SDK2: variants seen among roughly 807,000 people sequenced by gnomAD.
SDK2 encodes sidekick cell adhesion molecule 2, also known as protein sidekick-2.
A neutral mutation model predicts 253.9 loss-of-function variants in SDK2; 105 were observed. That is an observed-to-expected ratio of 0.41 (90% CI 0.35 to 0.49). The LOEUF (loss-of-function observed/expected upper bound fraction) is 0.49, where lower values mean the gene tolerates loss of function less well. Ranked by LOEUF, SDK2 falls within the 20% of genes least tolerant of loss-of-function variation. The probability of loss-of-function intolerance (pLI) is 0.06; values close to 1 mark genes in which losing one functional copy is unlikely to be tolerated. For synonymous variants in SDK2, 1,249 were observed against 1,234.9 expected, an observed-to-expected ratio of 1.01 and a Z score of -0.24; for missense variants, 2,608 against 3,003.0, an observed-to-expected ratio of 0.87 and a Z score of 3.07.
At chr17:73,514,820 T>C (rs1479259615) in intron 1 of SDK2, among the ~76,000 whole-genome samples, 1 of 152,104 alleles carries the variant, frequency 6.6e-6, no homozygotes, top group Non-Finnish European at 1.5e-5. Flanking sequence ...TCTCCCACCA[T>C]CTCCTAGTCT....
intron 1 of SDK2, among the ~76,000 whole-genome samples, chr17:73,594,831 GCACA>G (rs2045731954): frequency 6.6e-6 from 1 of 151,248 alleles, no homozygotes; most frequent in Admixed American, 6.6e-5. Flanking sequence ...ACATACAAAT[GCACA>G]CATAGCACAC....
chr17:73,361,775 C>A lies in SDK2; in HGVS notation c.5376G>T (p.Ala1792=). 6.2e-7 allele frequency: 1 copy of A among 1,612,602 alleles called. No individual in the cohort carries two copies. The highest frequency in any genetic ancestry group is 8.5e-7 in the Non-Finnish European group (1 of 1,179,242). ...SPLWLKVKDL[A]EGVTYRFRIR... ...TGCGGAACCTGTAGGTCACCCCCTC[C>A]GCCAGGTCCTTCACCTTCAGCCACA... The change falls in exon 39 of 45, where the codon GCG becomes GCT. Residue 1792 remains alanine (A), a synonymous_variant. Coordinates refer to ENST00000392650, the MANE Select transcript of SDK2 (RefSeq NM_001144952.2). The surrounding 1 kb of genome is among the most constrained non-coding windows in gnomAD (Gnocchi z 4.1).
chr17:73,598,810 C>G (rs2045796474), intron 1 of SDK2, among the ~76,000 whole-genome samples: 1 of 152,146 alleles, frequency 6.6e-6, no homozygotes. Context: ...GTGGTCTGGC[C>G]AGGGCCTGGC....
intron 1 of SDK2, among the ~76,000 whole-genome samples, chr17:73,514,862 C>T (rs2064011718): frequency 1.3e-5 from 2 of 152,144 alleles, no homozygotes; most frequent in African/African-American, 2.4e-5. Flanking sequence ...GACTGATTAC[C>T]ACGGCCTCTT....
chr17:73,437,907 C>A, intron 7 of SDK2, 57 bp downstream of exon 7: 2 of 1,593,696 alleles, frequency 1.3e-6, no homozygotes, highest in Non-Finnish European at 1.7e-6. Flanking sequence ...TAAGGAGGAC[C>A]CTCGCCGTGC....
At chr17:73,362,974 T>G (rs1281179761) in intron 38 of SDK2, among the ~76,000 whole-genome samples, 1 of 152,242 alleles carries the variant, frequency 6.6e-6, no homozygotes, top group Non-Finnish European at 1.5e-5. Context: ...TGGCTTCAGT[T>G]TGTTCTGCCG....
chr17:73,526,260 T>C (rs60858035), intron 1 of SDK2, among the ~76,000 whole-genome samples: 8,491 of 150,840 alleles, frequency 0.056, 277 homozygotes, highest in Middle Eastern at 0.12. Flanking sequence ...GGTTGGGGGC[T>C]GCAAGGTTGG....
At chr17:73,353,700 A>ATTTTTTTTTTT (rs11370066) in intron 40 of SDK2, among the ~76,000 whole-genome samples, 2 of 97,222 alleles carry the variant, frequency 2.1e-5, no homozygotes, top group African/African-American at 4.2e-5. Flanking sequence ...TGCCTGGCCA[A>ATTTTTTTTTTT]TTTTTTTTTT....
intron 24 of SDK2, among the ~76,000 whole-genome samples, chr17:73,396,497 C>T (rs116671046): frequency 0.033 from 5,014 of 152,260 alleles, 268 homozygotes; most frequent in African/African-American, 0.11. Flanking sequence ...TCGGCCCCAA[C>T]CTCCCCTGCT....
At chr17:73,585,787 C>T (rs994092072) in intron 1 of SDK2, among the ~76,000 whole-genome samples, 3 of 152,200 alleles carry the variant, frequency 2.0e-5, no homozygotes, top group Non-Finnish European at 2.9e-5. Context: ...GGAGCCAGCA[C>T]TGTGATTTGA....
At chr17:73,396,898 C>T (rs962156901) in intron 24 of SDK2, among the ~76,000 whole-genome samples, 2 of 152,214 alleles carry the variant, frequency 1.3e-5, no homozygotes, top group Non-Finnish European at 2.9e-5. Flanking sequence ...AGCTCTGCAG[C>T]TCTGCTCAGG....
Position 73,367,900 on chromosome 17 carries a change from G to A in SDK2, c.5167+507C>T, listed in dbSNP as rs575503111. Among the ~76,000 whole-genome samples, 6 of 152,268 alleles carry A rather than the reference G, an allele frequency of 3.9e-5. No homozygotes were observed. In the South Asian group the frequency reaches 1.0e-3, roughly 26 times the overall value. ...TCCACCCACTCCTGCCTCACTCTTA[G>A]GTCACCTGTGCTGACCCCCGTCTGC... On this transcript the variant is annotated intron_variant, in intron 37 of 44. Transcript: ENST00000392650.
chr17:73,356,773 C>T (rs1162448278), intron 40 of SDK2, among the ~76,000 whole-genome samples: 1 of 152,242 alleles, frequency 6.6e-6, no homozygotes, highest in African/African-American at 2.4e-5. Context: ...TGGTTTCTCA[C>T]AGGGCCCTGG....
rs531594863 is a variant in SDK2, at chr17:73,370,415, T to A, written c.4981-1822A>T. On this transcript the variant is annotated intron_variant, in intron 36 of 44. Transcript: ENST00000392650. ...GCACCACCACACCCAGCTAAGTTTT[T>A]AATTTTTTGTAGAGACGGGGTCTTG... Among the ~76,000 whole-genome samples, 6 of 152,120 alleles carry A rather than the reference T, an allele frequency of 3.9e-5. No homozygotes were observed. The South Asian group carries it at 1.2e-3, about 32-fold the overall frequency.
intron 1 of SDK2, among the ~76,000 whole-genome samples, chr17:73,606,320 C>T (rs953883790): frequency 6.6e-5 from 10 of 151,776 alleles, no homozygotes; most frequent in African/African-American, 2.2e-4. Flanking sequence ...GCAGGGCCCC[C>T]CTCCCGGAAA....
chr17:73,540,046 A>G (rs2044842175), intron 1 of SDK2, among the ~76,000 whole-genome samples: 1 of 149,686 alleles, frequency 6.7e-6, no homozygotes, highest in Non-Finnish European at 1.5e-5. Flanking sequence ...CACGGTACCC[A>G]GGATGGGCAG....
intron 12 of SDK2, among the ~76,000 whole-genome samples, chr17:73,427,317 T>C (rs1470587368): frequency 6.6e-6 from 1 of 152,198 alleles, no homozygotes; most frequent in African/African-American, 2.4e-5. Context: ...GAATATTCCA[T>C]AGCAGGATCA....
At chr17:73,638,153 G>T (rs2046355346) in intron 1 of SDK2, among the ~76,000 whole-genome samples, 1 of 152,204 alleles carries the variant, frequency 6.6e-6, no homozygotes, top group African/African-American at 2.4e-5. Context: ...TGGGGCGAGA[G>T]GCCTGGCAGG....
chr17:73,435,571 C>G lies in SDK2; in HGVS notation c.1074G>C (p.Arg358=). Residue 358 remains arginine (R), a synonymous_variant, in exon 9 of 45, where the codon CGG becomes CGC. Transcript: ENST00000392650. The surrounding 1 kb of genome is among the most constrained non-coding windows in gnomAD (Gnocchi z 5.7). ...TCTGCAGGCCCCCGTCGTTGCGCTG[C>G]CGGAAGCGGGTCAACTTCTCCACCT... is the stretch of plus-strand genomic sequence containing the variant. The part of the protein sequence containing the change: ...VVEVEKLTRF[R]QRNDGGLQIS... 1 of 1,584,636 alleles carries G rather than the reference C, an allele frequency of 6.3e-7. No homozygotes were observed.
Sources: gnomAD v4.1 joint callset for allele counts (sites outside exome capture counted in the v4.1 genomes callset) on GRCh38, gnomAD v4.1.1 for gene constraint, Gnocchi (gnomAD v3.1) non-coding constraint, MANE v1.5 for transcripts, NCBI Gene and HGNC (gene_info 2026-07-23, HGNC 2026-07-21) for gene names.